The following TRIM14 variants were observed in gnomAD, a reference collection of about 807,000 sequenced individuals.
TRIM14 encodes the protein tripartite motif containing 14.
Under a neutral mutation model 44.5 loss-of-function variants are expected in TRIM14, and 28 were observed. That is an observed-to-expected ratio of 0.63 (90% confidence interval 0.47 to 0.86). The LOEUF is 0.86. TRIM14 is among the 40% of genes least tolerant of loss of function. The probability of loss-of-function intolerance (pLI) is 0.00; values close to 1 mark genes in which losing one functional copy is unlikely to be tolerated. For missense variants in TRIM14, 607 were observed against 611.1 expected (o/e 0.99, Z 0.07); for synonymous variants, 299 against 269.2 (o/e 1.11, Z -1.08).
chr9:98,044,123 G>T, the TRIM14 span, among the ~76,000 whole-genome samples: 1 of 151,452 alleles, frequency 6.6e-6, no homozygotes, highest in Non-Finnish European at 1.5e-5. Context: ...CACCACTGAG[G>T]TGTTACTGCC....
intron 1 of TRIM14, among the ~76,000 whole-genome samples, chr9:98,114,037 C>A (rs542904114): frequency 1.3e-5 from 2 of 152,186 alleles, no homozygotes; most frequent in South Asian, 2.1e-4. Context: ...TAACCAGGAC[C>A]CCTGGAAGTC....
At chr9:98,039,717 G>A in the TRIM14 span, among the ~76,000 whole-genome samples, 128 of 152,140 alleles carry the variant, frequency 8.4e-4, 1 homozygote, top group African/African-American at 2.9e-3. Flanking sequence ...AACTGACTCT[G>A]TGCAAGAAGA....
chr9:98,043,474 A>T, the TRIM14 span, among the ~76,000 whole-genome samples: 25 of 152,304 alleles, frequency 1.6e-4, no homozygotes, highest in African/African-American at 6.0e-4. Flanking sequence ...GCTAATTTGC[A>T]TGTTAAAGCA....
At chr9:98,050,116 T>C in the TRIM14 span, among the ~76,000 whole-genome samples, 1 of 152,204 alleles carries the variant, frequency 6.6e-6, no homozygotes. Context: ...GTTGGAACAA[T>C]TGGCTACATT....
chr9:98,100,354 A>G (rs1826345435), intron 2 of TRIM14, among the ~76,000 whole-genome samples, 190 bp from the exon 3 acceptor site: 1 of 152,234 alleles, frequency 6.6e-6, no homozygotes, highest in Non-Finnish European at 1.5e-5. Flanking sequence ...TGCACGGAGA[A>G]ATAAAGATCC....
At chr9:98,090,133 C>A (rs76729902) in intron 5 of TRIM14, among the ~76,000 whole-genome samples, 1 of 151,480 alleles carries the variant, frequency 6.6e-6, no homozygotes, top group Non-Finnish European at 1.5e-5. Context: ...ACTCAAGGCA[C>A]GAAAAAGAAG....
rs1015137311 is a variant in TRIM14, at chr9:98,085,135, A to C, written c.*2335T>G. On this transcript the variant is annotated 3_prime_UTR_variant, in exon 6 of 6. Coordinates refer to ENST00000341469, the MANE Select transcript of TRIM14 (RefSeq NM_014788.4). ...AAGGCCTCATCTCAGACCCCCAAGG[A>C]AGGCAGTCCAAAGGTAGACTCAAGT... 2.6e-5 allele frequency: 4 copies of C among 152,316 alleles called. No individual in the cohort carries two copies. Among genetic ancestry groups the C allele is most frequent in the Non-Finnish European group, 5.9e-5 (4 of 68,116 alleles). The allele number at this position is 152,316 out of a possible 1,614,324, so 9.4% of individuals were successfully genotyped here. A position where few individuals can be genotyped will look rare whatever the true frequency, so the allele number is the denominator to read the frequency against.
At chr9:98,110,652 C>T (rs1826812608) in intron 1 of TRIM14, among the ~76,000 whole-genome samples, 2 of 151,998 alleles carry the variant, frequency 1.3e-5, no homozygotes, top group African/African-American at 2.4e-5. Flanking sequence ...AGGCTCGCTT[C>T]GTTCTCACTC....
chr9:98,078,374 C>A (rs1829689855), intron 6 of TRIM14: 1 of 1,607,426 alleles, frequency 6.2e-7, no homozygotes, highest in African/African-American at 1.3e-5. Context: ...GGGTTCCCTT[C>A]TTGGGCCATT....
chr9:98,073,341 A>G (rs1332940072), intron 6 of TRIM14, among the ~76,000 whole-genome samples: 1 of 126,922 alleles, frequency 7.9e-6, no homozygotes, highest in African/African-American at 3.1e-5. Flanking sequence ...CTGGAGTGCA[A>G]TGGCATGCTC....
chr9:98,093,734 TTTATTA>T (rs10624964), intron 4 of TRIM14, among the ~76,000 whole-genome samples: 22 of 150,684 alleles, frequency 1.5e-4, no homozygotes, highest in African/African-American at 4.9e-4. Context: ...CCTGCCCTGG[TTTATTA>T]TTATTATTAT....
At chr9:98,098,021 C>A (rs1185987359) in intron 3 of TRIM14, among the ~76,000 whole-genome samples, 1 of 152,134 alleles carries the variant, frequency 6.6e-6, no homozygotes. Context: ...GAGTGGAAAT[C>A]CCCAGCTGGA....
At chr9:98,088,221 G>A (rs769911277) in intron 5 of TRIM14, among the ~76,000 whole-genome samples, 4 of 152,196 alleles carry the variant, frequency 2.6e-5, no homozygotes, top group Non-Finnish European at 2.9e-5. Context: ...CCCTTATACT[G>A]TCTGTATTTT....
chr9:98,092,080 C>G (rs1350916819), intron 4 of TRIM14, 79 bp from the exon 5 acceptor site: 1 of 1,094,290 alleles, frequency 9.1e-7, no homozygotes. Flanking sequence ...TACCACACAA[C>G]TGGAGATTCG....
rs1277160879 is a variant in TRIM14 at position 98,087,168 on chromosome 9, G to T, written c.*302C>A. The T allele has an allele frequency of 4.5e-6, 3 of 671,476 alleles. No individual in the cohort carries two copies. The African/African-American group carries it at 5.3e-5, about 12-fold the overall frequency. The allele number at this position is 671,476 out of a possible 1,614,324, so 41.6% of individuals were successfully genotyped here. ...CTGCGGATGATGTATTCAGGATGCT[G>T]AGGGCTTACCTGTGGGGGTATCACT... On this transcript the variant is annotated 3_prime_UTR_variant, in exon 6 of 6. Coordinates refer to ENST00000341469, the MANE Select transcript of TRIM14 (RefSeq NM_014788.4).
the TRIM14 span, among the ~76,000 whole-genome samples, chr9:98,050,411 TGGGAACAAGGACTGAGTAGAGGG>T: frequency 6.6e-6 from 1 of 152,138 alleles, no homozygotes; most frequent in Non-Finnish European, 1.5e-5. Flanking sequence ...TTTTGCAAGG[TGGGAACAAGGACTGAGTAGAGGG>T]TACCTCCTTA....
the TRIM14 span, among the ~76,000 whole-genome samples, chr9:98,046,994 A>G: frequency 2.0e-5 from 3 of 152,106 alleles, no homozygotes; most frequent in African/African-American, 7.2e-5. Flanking sequence ...TGACCACTTG[A>G]ACTTTTGATT....
downstream of TRIM14, among the ~76,000 whole-genome samples, chr9:98,084,127 C>T (rs1031549610): frequency 6.6e-6 from 1 of 151,194 alleles, no homozygotes; most frequent in African/African-American, 2.4e-5. Flanking sequence ...GGGGAGGAAG[C>T]GGAAGATTCA....
Position 98,087,730 on chromosome 9 carries a change from A to C in TRIM14, c.1069T>G (p.Cys357Gly), listed in dbSNP as rs2118188247. The stretch of plus-strand genomic sequence containing the variant: ...TTGAGGCACCAGGACTGGCGGTTGC[A>C]GCCCAGGCGGGCGGCGGCCGAGGCC... The part of the protein sequence containing the change: ...RGASAAARLG[C>G]NRQSWCLKRY... Residue 357 changes from cysteine to glycine, a missense_variant, in exon 6 of 6, where the codon TGC becomes GGC. By Grantham distance (159) the Cys-to-Gly change is radical. This residue lies in a region of TRIM14 where 356 missense variants were observed against 323.0 expected (regional missense o/e 1.10). Transcript: ENST00000341469. The C allele has an allele frequency of 2.5e-6, 4 of 1,583,954 alleles. No individual in the cohort carries two copies. In the East Asian group the frequency reaches 9.1e-5, roughly 36 times the overall value.
Sources: allele counts gnomAD v4.1 joint callset (sites outside exome capture counted in the v4.1 genomes callset), GRCh38; gene constraint gnomAD v4.1.1; regional missense constraint gnomAD v4.1.1; transcripts MANE v1.5; gene names NCBI Gene and HGNC (gene_info 2026-07-23, HGNC 2026-07-21).